STARD13: variants seen among roughly 807,000 people sequenced by gnomAD.
The protein encoded by STARD13 is stAR-related lipid transfer protein 13.
Under a neutral mutation model 106.4 loss-of-function variants are expected in STARD13, and 62 were observed. The observed-to-expected ratio is 0.58, with a 90% confidence interval of 0.48 to 0.72. The LOEUF (loss-of-function observed/expected upper bound fraction) is 0.72. Ranked by LOEUF, STARD13 falls within the 30% of genes least tolerant of loss-of-function variation. The probability of loss-of-function intolerance (pLI) is 0.00; values close to 1 mark genes in which losing one functional copy is unlikely to be tolerated. For missense variants in STARD13, 1,387 were observed against 1,424.0 expected (o/e 0.97, Z 0.42); for synonymous variants, 565 against 553.0 (o/e 1.02, Z -0.31).
chr13:33,598,133 C>T, the STARD13 span, among the ~76,000 whole-genome samples: 1 of 152,218 alleles, frequency 6.6e-6, no homozygotes, highest in Admixed American at 6.5e-5. Context: ...TGTCAATGTC[C>T]TTTTTTGCTA....
the STARD13 span, among the ~76,000 whole-genome samples, chr13:33,460,857 A>G: frequency 6.6e-6 from 1 of 152,240 alleles, no homozygotes; most frequent in East Asian, 1.9e-4. Flanking sequence ...AGCCTGCTCA[A>G]AGATATAAAT....
chr13:33,473,625 C>T, the STARD13 span, among the ~76,000 whole-genome samples: 3 of 152,282 alleles, frequency 2.0e-5, no homozygotes, highest in Admixed American at 2.0e-4. Context: ...ATTTTGGTTC[C>T]CGGACCAGTA....
chr13:33,345,785 G>A (rs1363535033), downstream of STARD13, among the ~76,000 whole-genome samples: 1 of 151,866 alleles, frequency 6.6e-6, no homozygotes. Context: ...TCTTTCCATT[G>A]GTTTCATTAT....
At chr13:33,364,618 G>A in the STARD13 span, among the ~76,000 whole-genome samples, 5 of 152,178 alleles carry the variant, frequency 3.3e-5, no homozygotes, top group African/African-American at 4.8e-5. Flanking sequence ...GGCTGGGCGC[G>A]GTGGCTCACG....
the STARD13 span, among the ~76,000 whole-genome samples, chr13:33,410,379 T>C: frequency 6.6e-6 from 1 of 152,244 alleles, no homozygotes; most frequent in African/African-American, 2.4e-5. Context: ...GTTAATAGTA[T>C]GGAATGGGGA....
chr13:33,297,605 T>TAA (rs59944626), intron 1 of STARD13, among the ~76,000 whole-genome samples: 28 of 145,126 alleles, frequency 1.9e-4, no homozygotes, highest in Admixed American at 4.1e-4. Context: ...TTTTGAAAAT[T>TAA]AAAAAAAAAA....
At chr13:33,373,702 A>G in the STARD13 span, among the ~76,000 whole-genome samples, 1 of 152,158 alleles carries the variant, frequency 6.6e-6, no homozygotes, top group South Asian at 2.1e-4. Flanking sequence ...AATATCTTCA[A>G]TCAGTAGGGA....
the STARD13 span, among the ~76,000 whole-genome samples, chr13:33,634,707 C>CCA: frequency 0.061 from 9,326 of 151,918 alleles, 979 homozygotes; most frequent in African/African-American, 0.21. Context: ...TGCCCCGCCG[C>CCA]CACACACACA....
chr13:33,143,239 C>T (rs530249058), intron 3 of STARD13, among the ~76,000 whole-genome samples: 4 of 152,350 alleles, frequency 2.6e-5, no homozygotes, highest in Admixed American at 2.6e-4. Context: ...CAGCTGGACT[C>T]TCAAAGATGT....
chr13:33,494,757 A>G, the STARD13 span, among the ~76,000 whole-genome samples: 12 of 152,184 alleles, frequency 7.9e-5, no homozygotes, highest in African/African-American at 2.9e-4. Flanking sequence ...AGCTAGCACA[A>G]TGAGAATGAC....
intron 1 of STARD13, among the ~76,000 whole-genome samples, chr13:33,291,489 C>T (rs1196831061): frequency 2.6e-5 from 4 of 152,184 alleles, no homozygotes; most frequent in Non-Finnish European, 4.4e-5. Flanking sequence ...ACACTGTGTG[C>T]ATATTTCCTG....
intron 3 of STARD13, among the ~76,000 whole-genome samples, chr13:33,146,711 C>A (rs909519291): frequency 6.6e-6 from 1 of 152,138 alleles, no homozygotes; most frequent in African/African-American, 2.4e-5. Flanking sequence ...CAGATATTGT[C>A]AAAATCAACT....
intron 7 of STARD13, among the ~76,000 whole-genome samples, chr13:33,124,529 G>A (rs1252450514): frequency 1.3e-5 from 2 of 152,178 alleles, no homozygotes; most frequent in African/African-American, 2.4e-5. Context: ...CACAGGGGTG[G>A]AAGAGGTTTT....
chr13:33,502,926 T>C, the STARD13 span, among the ~76,000 whole-genome samples: 1 of 152,232 alleles, frequency 6.6e-6, no homozygotes. Flanking sequence ...TCCCTCTTTT[T>C]CTATTGATTG....
chr13:33,253,491 T>C (rs1890188308), intron 1 of STARD13, among the ~76,000 whole-genome samples: 1 of 152,198 alleles, frequency 6.6e-6, no homozygotes, highest in African/African-American at 2.4e-5. Flanking sequence ...GAGCACTAAA[T>C]GAAGGTTCCA....
At chr13:33,297,699 A>C (rs1444440837) in intron 1 of STARD13, among the ~76,000 whole-genome samples, 2 of 152,138 alleles carry the variant, frequency 1.3e-5, no homozygotes, top group African/African-American at 4.8e-5. Context: ...GATGGGTGAT[A>C]ATTCTTAAAT....
At chr13:33,226,441 T>C (rs1265000483) in intron 1 of STARD13, among the ~76,000 whole-genome samples, 1 of 150,972 alleles carries the variant, frequency 6.6e-6, no homozygotes, top group African/African-American at 2.4e-5. Flanking sequence ...AGTTCTTTTT[T>C]TTTTTTTTTT....
the STARD13 span, among the ~76,000 whole-genome samples, chr13:33,509,567 C>T: frequency 2.0e-5 from 3 of 152,108 alleles, no homozygotes; most frequent in African/African-American, 7.2e-5. Flanking sequence ...AAGTGTGAGG[C>T]CCAAATGGCT....
At chr13:33,136,120 C>CAA (rs559244711) in intron 4 of STARD13, among the ~76,000 whole-genome samples, 43,709 of 145,174 alleles carry the variant, frequency 0.3, 7,639 homozygotes, top group Non-Finnish European at 0.41. Flanking sequence ...GACTCTACCT[C>CAA]AAAAAAAAAA....
Sources: allele counts gnomAD v4.1 joint callset (sites outside exome capture counted in the v4.1 genomes callset), GRCh38; gene constraint gnomAD v4.1.1; transcripts MANE v1.5; gene names NCBI Gene and HGNC (gene_info 2026-07-23, HGNC 2026-07-21).